The following CREB5 variants were observed in gnomAD, a reference collection of about 807,000 sequenced individuals.
The protein encoded by CREB5 is cAMP responsive element binding protein 5.
CREB5 carries 19 observed loss-of-function variants against 57.1 expected under a neutral mutation model. The ratio of observed to expected loss-of-function variants is 0.33; its 90% CI spans 0.23 to 0.49. CREB5 has a LOEUF of 0.49. Among genes scored for constraint, CREB5 ranks in the 20% least tolerant of loss-of-function variants. The probability of loss-of-function intolerance (pLI) is 0.99; values close to 1 mark genes in which losing one functional copy is unlikely to be tolerated. For synonymous variants in CREB5, 238 were observed against 238.3 expected (o/e 1.00, Z 0.01); for missense variants, 579 against 671.6 (o/e 0.86, Z 1.52).
intron 1 of CREB5, among the ~76,000 whole-genome samples, chr7:28,447,611 C>G (rs1583473481): frequency 1.3e-5 from 2 of 152,060 alleles, no homozygotes; most frequent in East Asian, 1.9e-4. Context: ...ACACATGCAC[C>G]TGCTAGGGGA....
intron 7 of CREB5, among the ~76,000 whole-genome samples, chr7:28,790,332 G>C (rs1341529657): frequency 2.6e-5 from 4 of 152,052 alleles, no homozygotes; most frequent in African/African-American, 9.7e-5. Context: ...GCAATATGTG[G>C]TGTCTCACCA....
Position 28,727,645 on chromosome 7 carries a change from A to G in CREB5, c.702+3313A>G, listed in dbSNP as rs147020753. ...AAAGAGGTTTTTGTTTTTATTTTAA[A>G]GAAACCAGTAACGATTTGGAAGCTA... On this transcript the variant is annotated intron_variant, in intron 7 of 10. Transcript: ENST00000357727. 6.0e-3 allele frequency among the ~76,000 whole-genome samples: 911 copies of G among 152,338 alleles called. 26 individuals carry two copies. In the South Asian group the frequency reaches 0.083, roughly 14 times the overall value.
At chr7:28,405,989 G>A (rs1404532939) in intron 1 of CREB5, among the ~76,000 whole-genome samples, 1 of 152,108 alleles carries the variant, frequency 6.6e-6, no homozygotes, top group African/African-American at 2.4e-5. Context: ...TTAATAAGTT[G>A]CCTGGGTGTT....
intron 4 of CREB5, among the ~76,000 whole-genome samples, chr7:28,560,325 T>A (rs984080092): frequency 2.6e-4 from 39 of 152,090 alleles, no homozygotes; most frequent in African/African-American, 9.4e-4. Context: ...GGCTGGAGTT[T>A]AGGGTTTGCA....
At chr7:28,806,340 T>C (rs1032653402) in intron 8 of CREB5, among the ~76,000 whole-genome samples, 10 of 152,212 alleles carry the variant, frequency 6.6e-5, no homozygotes, top group African/African-American at 2.2e-4. Flanking sequence ...CCAGATCATT[T>C]AGGCAGTATC....
intron 5 of CREB5, among the ~76,000 whole-genome samples, chr7:28,711,567 T>C (rs954509782): frequency 1.5e-4 from 23 of 152,350 alleles, no homozygotes; most frequent in Admixed American, 5.2e-4. Flanking sequence ...AGCTTTCTCG[T>C]GTTCCTAATT....
chr7:28,429,321 C>T (rs1260931668), intron 1 of CREB5, among the ~76,000 whole-genome samples: 3 of 152,116 alleles, frequency 2.0e-5, no homozygotes, highest in Non-Finnish European at 2.9e-5. Flanking sequence ...CCACTGTGCC[C>T]GTCCTAAAAT....
chr7:28,374,070 A>G (rs1235027427), intron 1 of CREB5, among the ~76,000 whole-genome samples: 1 of 152,192 alleles, frequency 6.6e-6, no homozygotes, highest in African/African-American at 2.4e-5. Flanking sequence ...ATTTGAATAA[A>G]TGCTTAATTA....
chr7:28,720,448 T>C (rs187332735), intron 6 of CREB5, among the ~76,000 whole-genome samples: 1 of 152,308 alleles, frequency 6.6e-6, no homozygotes, highest in African/African-American at 2.4e-5. Flanking sequence ...TCACACAGCT[T>C]GTGAGTGAAG....
chr7:28,355,063 GA>G (rs1420011944), intron 1 of CREB5, among the ~76,000 whole-genome samples: 2 of 152,196 alleles, frequency 1.3e-5, no homozygotes. Flanking sequence ...CGTTGCAGCA[GA>G]AAACATCCCT....
intron 1 of CREB5, among the ~76,000 whole-genome samples, chr7:28,394,333 A>G (rs895434390): frequency 2.6e-5 from 4 of 152,132 alleles, no homozygotes; most frequent in Non-Finnish European, 5.9e-5. Context: ...TATTAATCCA[A>G]CTACATCAAT....
chr7:28,753,872 C>T (rs999348710), intron 7 of CREB5, among the ~76,000 whole-genome samples: 5 of 151,336 alleles, frequency 3.3e-5, no homozygotes, highest in African/African-American at 1.2e-4. Context: ...GACTATGATG[C>T]AAGAAAGAAT....
chr7:28,815,759 T>G (rs1012649606), intron 9 of CREB5, among the ~76,000 whole-genome samples: 6 of 152,114 alleles, frequency 3.9e-5, no homozygotes, highest in African/African-American at 1.4e-4. Context: ...GAGACTAAAT[T>G]CAACCTCTCC....
chr7:28,497,890 G>A (rs1254346555), intron 3 of CREB5, among the ~76,000 whole-genome samples: 1 of 152,016 alleles, frequency 6.6e-6, no homozygotes, highest in Non-Finnish European at 1.5e-5. Context: ...CTTGACTGTT[G>A]CTTGATTTAT....
intron 5 of CREB5, among the ~76,000 whole-genome samples, chr7:28,630,082 T>C (rs1361256029): frequency 6.6e-6 from 1 of 152,224 alleles, no homozygotes; most frequent in Non-Finnish European, 1.5e-5. Flanking sequence ...TCACTGCTCA[T>C]GTGATGGCTA....
chr7:28,415,267 C>T (rs562957639), intron 1 of CREB5, among the ~76,000 whole-genome samples: 11 of 152,150 alleles, frequency 7.2e-5, no homozygotes, highest in East Asian at 1.9e-4. Flanking sequence ...GGGAGGGCCT[C>T]GGATTGATAG....
At chr7:28,366,265 T>C (rs983619833) in intron 1 of CREB5, among the ~76,000 whole-genome samples, 2 of 152,178 alleles carry the variant, frequency 1.3e-5, no homozygotes, top group Non-Finnish European at 2.9e-5. Context: ...ATTTAGTTAT[T>C]ATTGTAGTTA....
At chr7:28,324,643 G>A (rs1785550711) in intron 1 of CREB5, among the ~76,000 whole-genome samples, 1 of 151,998 alleles carries the variant, frequency 6.6e-6, no homozygotes, top group Non-Finnish European at 1.5e-5. Context: ...TTTTCCTGTG[G>A]GTGATCTCAT....
intron 4 of CREB5, among the ~76,000 whole-genome samples, chr7:28,509,129 T>G (rs1792597997): frequency 6.6e-6 from 1 of 152,206 alleles, no homozygotes; most frequent in Non-Finnish European, 1.5e-5. Context: ...CATTCATTCC[T>G]CAAGATAGTC....
Sources: allele counts gnomAD v4.1 joint callset (sites outside exome capture counted in the v4.1 genomes callset), GRCh38; gene constraint gnomAD v4.1.1; transcripts MANE v1.5; gene names NCBI Gene and HGNC (gene_info 2026-07-23, HGNC 2026-07-21).